UBL7: variants seen among roughly 807,000 people sequenced by gnomAD.
The protein encoded by UBL7 is ubiquitin-like protein 7.
UBL7 carries 21 observed loss-of-function variants against 41.7 expected under a neutral mutation model. The observed-to-expected ratio is 0.50, with a 90% CI of 0.36 to 0.73. UBL7 has a LOEUF of 0.73. Among genes scored for constraint, UBL7 ranks in the 30% least tolerant of loss-of-function variants. The probability of loss-of-function intolerance (pLI) is 0.00; values close to 1 mark genes in which losing one functional copy is unlikely to be tolerated. For missense variants in UBL7, 403 were observed against 478.4 expected, an observed-to-expected ratio of 0.84 and a Z score of 1.47; for synonymous variants, 157 against 186.9, an observed-to-expected ratio of 0.84 and a Z score of 1.31.
chr15:74,460,418 C>A (rs1264047493), intron 1 of UBL7, among the ~76,000 whole-genome samples: 2 of 152,162 alleles, frequency 1.3e-5, no homozygotes, highest in Non-Finnish European at 2.9e-5. Context: ...CATAACAAAG[C>A]TCTCCCCTAT....
Position 74,449,975 on chromosome 15 carries a change from AAG to A in UBL7, c.623_624del (p.Ser208PhefsTer19). 1 of 1,613,320 alleles carries A rather than the reference AAG, an allele frequency of 6.2e-7. No individual in the cohort carries two copies. ...TATGAGCTGGAGGGCATGCTCCGGG[AAG>A]AGGAGTCAGTCCCAGGCATTGGGGC... ...GSAPMPGTDS[S>X]SRSMPSSSYR... On this transcript the variant is annotated frameshift_variant, in exon 7 of 11. Coordinates refer to ENST00000395081, the MANE Select transcript of UBL7 (RefSeq NM_032907.5). LOFTEE classifies it high-confidence loss of function.
At chr15:74,456,715 A>G (rs1351306722) in intron 2 of UBL7, 44 bp from the exon 3 acceptor site, 1 of 1,590,334 alleles carries the variant, frequency 6.3e-7, no homozygotes, top group Non-Finnish European at 8.6e-7. Flanking sequence ...CTCAAAACAA[A>G]TTTACATGGT....
rs1188052512 is a variant in UBL7, at chr15:74,449,211, G to C, written c.857C>G (p.Ser286Cys). The C allele has an allele frequency of 1.9e-6, 3 of 1,577,362 alleles. No homozygotes were observed. Among genetic ancestry groups the C allele is most frequent in the African/African-American group, 2.7e-5 (2 of 73,690 alleles). The change falls in exon 9 of 11, where the codon TCT becomes TGT. Residue 286 changes from serine (S) to cysteine (C), a missense_variant. By Grantham distance (112) the Ser-to-Cys change is moderately radical (BLOSUM62 -1). Coordinates refer to ENST00000395081, the MANE Select transcript of UBL7 (RefSeq NM_032907.5). The part of the protein sequence containing the change: ...LALASTPESS[S>C]HTPTPGTQGH... ...CTGGGTGCCAGGAGTCGGTGTGTGA[G>C]AGCTGCTCTCCGGAGTGCTGGCCAG...
intron 3 of UBL7, among the ~76,000 whole-genome samples, chr15:74,456,051 C>T (rs763349491): frequency 2.0e-5 from 3 of 150,522 alleles, no homozygotes; most frequent in African/African-American, 4.9e-5. Context: ...GGTGTGAACC[C>T]GGGAGGCGGA....
intron 5 of UBL7, 123 bp from the exon 6 acceptor site, chr15:74,450,982 A>G (rs890643936): frequency 4.5e-5 from 45 of 1,005,686 alleles, no homozygotes; most frequent in Non-Finnish European, 6.4e-5. Context: ...AATCTTCATG[A>G]GAAGTAGAGG....
At chr15:74,447,818 G>A (rs183676659) in intron 10 of UBL7, among the ~76,000 whole-genome samples, 1 of 152,248 alleles carries the variant, frequency 6.6e-6, no homozygotes, top group African/African-American at 2.4e-5. Flanking sequence ...GTAGGCTCCT[G>A]CTCTTTCTCT....
intron 2 of UBL7, 97 bp from the exon 3 acceptor site, chr15:74,456,768 G>T: frequency 2.2e-6 from 3 of 1,362,042 alleles, no homozygotes; most frequent in Middle Eastern, 1.9e-4. Context: ...GCTGGAGAAT[G>T]ATACATGTTT....
chr15:74,446,549 A>G lies in UBL7; in HGVS notation c.1006-322T>C, dbSNP rs1396614616. The stretch of plus-strand genomic sequence containing the variant: ...CTATGTGTACACACACAACAGCAAG[A>G]TTTTGCTCTTTATGTGATGAGTGTT... On this transcript the variant is annotated intron_variant, in intron 10 of 10. Transcript: ENST00000395081. This position sits in a 1 kb window ranked among gnomAD's most constrained non-coding sequence, Gnocchi z 4.1. 6.6e-6 allele frequency among the ~76,000 whole-genome samples: 1 copy of G among 152,142 alleles called. No individual in the cohort carries two copies. Among genetic ancestry groups the G allele is most frequent in the African/African-American group, 2.4e-5 (1 of 41,424 alleles).
intron 3 of UBL7, among the ~76,000 whole-genome samples, chr15:74,452,742 C>G (rs1368614492): frequency 6.6e-6 from 1 of 152,196 alleles, no homozygotes; most frequent in Non-Finnish European, 1.5e-5. Context: ...TTCAGACAGT[C>G]TCACCTCTTG....
rs144228728 is a variant in UBL7 at position 74,446,240 on chromosome 15, A to C, written c.1006-13T>G. The C allele has an allele frequency of 8.8e-5, 142 of 1,613,624 alleles. No individual in the cohort carries two copies. The Middle Eastern group carries it at 1.2e-3, about 13-fold the overall frequency. On this transcript the variant is annotated splice_polypyrimidine_tract_variant and intron_variant, in intron 10 of 10. Transcript: ENST00000395081. This position sits in a 1 kb window ranked among gnomAD's most constrained non-coding sequence, Gnocchi z 4.1. ...GCTGCCACTGGCTCTGTGGAAAGAT[A>C]GGAATGGGCAGAAGCTGTTAGCTGG...
rs750173796 is a variant in UBL7 at position 74,449,166 on chromosome 15, T to G, written c.882+20A>C. 32 of 1,530,180 alleles carry G rather than the reference T, an allele frequency of 2.1e-5. No individual in the cohort carries two copies. The highest frequency in any genetic ancestry group is 2.7e-5 in the Non-Finnish European group (31 of 1,143,638). The allele number at this position is 1,530,180 out of a possible 1,614,324, so 94.8% of individuals were successfully genotyped here. A position where few individuals can be genotyped will look rare whatever the true frequency, so the allele number is the denominator to read the frequency against. On this transcript the variant is annotated intron_variant, in intron 9 of 10. Coordinates refer to ENST00000395081, the MANE Select transcript of UBL7 (RefSeq NM_032907.5). ...TTCCTTGGGGGCCCAGCCTTGATCT[T>G]CCCGGCCCCGTCTTCATACCTGGGT... is the stretch of plus-strand genomic sequence containing the variant.
intron 4 of UBL7, 109 bp downstream of exon 4, chr15:74,452,187 C>T (rs570716447): frequency 3.4e-6 from 4 of 1,182,294 alleles, no homozygotes; most frequent in Non-Finnish European, 4.8e-6. Context: ...CCCCAAGGAA[C>T]TCTTGGTTGC....
At chr15:74,451,067 TC>T (rs2061241204) in intron 5 of UBL7, among the ~76,000 whole-genome samples, 1 of 152,122 alleles carries the variant, frequency 6.6e-6, no homozygotes, top group South Asian at 2.1e-4. Flanking sequence ...GCTCTCCACC[TC>T]CCCTGCACTT....
At position 74,445,982 on chromosome 15, in the gene UBL7, T is replaced by C. The variant is rs1416137817; in HGVS notation, c.*108A>G. The C allele has an allele frequency of 5.5e-6, 8 of 1,451,898 alleles. No individual in the cohort carries two copies. Among genetic ancestry groups the C allele is most frequent in the Non-Finnish European group, 7.4e-6 (8 of 1,078,076 alleles). The allele number at this position is 1,451,898 out of a possible 1,614,324, so 89.9% of individuals were successfully genotyped here. On this transcript the variant is annotated 3_prime_UTR_variant, in exon 11 of 11. Coordinates refer to ENST00000395081, the MANE Select transcript of UBL7 (RefSeq NM_032907.5). The stretch of plus-strand genomic sequence containing the variant: ...TCAAGAACTGGACAAAGCAGGAGAG[T>C]TGACCATCAGGTATATTGGGGAAGG...
chr15:74,451,664 CCT>C, intron 4 of UBL7, 144 bp from the exon 5 acceptor site: 1 of 555,054 alleles, frequency 1.8e-6, no homozygotes, highest in Non-Finnish European at 3.2e-6. Flanking sequence ...AACAGATGAA[CCT>C]CTTTTTGCTC....
In UBL7 at chr15:74,451,361, T is replaced by C. The variant is rs531090274; in HGVS notation, c.472+75A>G. 594 of 1,312,382 alleles carry C rather than the reference T, an allele frequency of 4.5e-4. 1 individual carries two copies. The African/African-American group carries it at 7.7e-3, about 17-fold the overall frequency. The allele number at this position is 1,312,382 out of a possible 1,614,324, so 81.3% of individuals were successfully genotyped here. On this transcript the variant is annotated intron_variant, in intron 5 of 10. Coordinates refer to ENST00000395081, the MANE Select transcript of UBL7 (RefSeq NM_032907.5). Reference sequence around the variant, plus strand: ...TTCTTCAAAAGATAGTCCAAGTCTCTTTAGAGGAATTGTCTTCTCCTGTTT... The same window carrying C: ...TTCTTCAAAAGATAGTCCAAGTCTCCTTAGAGGAATTGTCTTCTCCTGTTT...
rs769714100 is a variant in UBL7 at position 74,445,978 on chromosome 15, A to G, written c.*112T>C. ...AAGGTCAAGAACTGGACAAAGCAGGAGAGTTGACCATCAGGTATATTGGGG... is the reference window on the plus strand; with the variant it reads ...AAGGTCAAGAACTGGACAAAGCAGGGGAGTTGACCATCAGGTATATTGGGG... On this transcript the variant is annotated 3_prime_UTR_variant, in exon 11 of 11. Coordinates refer to ENST00000395081, the MANE Select transcript of UBL7 (RefSeq NM_032907.5). The G allele has an allele frequency of 6.1e-5, 87 of 1,424,954 alleles. No homozygotes were observed. The highest frequency in any genetic ancestry group is 8.2e-5 in the Non-Finnish European group (86 of 1,054,662). 88.3% of individuals were successfully genotyped at this position (1,424,954 alleles called of 1,614,324 possible).
At chr15:74,450,999 A>G (rs1040642731) in intron 5 of UBL7, 140 bp from the exon 6 acceptor site, 1 of 853,420 alleles carries the variant, frequency 1.2e-6, no homozygotes, top group Non-Finnish European at 1.9e-6. Context: ...GAGGAAGCAA[A>G]GCGCCAAGCA....
chr15:74,459,929 TCG>T (rs2061332343), intron 1 of UBL7, among the ~76,000 whole-genome samples: 1 of 68,394 alleles, frequency 1.5e-5, no homozygotes, highest in Non-Finnish European at 2.4e-5. Flanking sequence ...AGAGACTCTG[TCG>T]CAAAAAAAAA....
Sources: allele counts gnomAD v4.1 joint callset (sites outside exome capture counted in the v4.1 genomes callset), GRCh38; gene constraint gnomAD v4.1.1; non-coding constraint Gnocchi (gnomAD v3.1); transcripts MANE v1.5; gene names NCBI Gene and HGNC (gene_info 2026-07-23, HGNC 2026-07-21).